Variants in ZNF804B observed in about 807,000 individuals in gnomAD.
ZNF804B encodes the protein zinc finger 804B.
A neutral mutation model predicts 101.4 loss-of-function variants in ZNF804B; 80 were observed. The observed-to-expected ratio is 0.79, with a 90% CI of 0.66 to 0.95. ZNF804B has a LOEUF of 0.95. Among genes scored for constraint, ZNF804B ranks in the 40% least tolerant of loss-of-function variants. ZNF804B has a pLI of 0.00. For synonymous variants in ZNF804B, 622 were observed against 558.8 expected, an observed-to-expected ratio of 1.11 and a Z score of -1.59; for missense variants, 1,673 against 1,561.9, an observed-to-expected ratio of 1.07 and a Z score of -1.20.
intron 1 of ZNF804B, among the ~76,000 whole-genome samples, chr7:89,063,839 C>T (rs369510183): frequency 3.3e-5 from 5 of 152,052 alleles, no homozygotes; most frequent in Non-Finnish European, 7.4e-5. Context: ...TGAATGAATG[C>T]GTCAATAGCT....
chr7:88,845,262 CAT>C (rs1791351144), intron 1 of ZNF804B, among the ~76,000 whole-genome samples: 1 of 151,216 alleles, frequency 6.6e-6, no homozygotes, highest in Non-Finnish European at 1.5e-5. Flanking sequence ...AAAGCACACA[CAT>C]ATGCGCATGT....
intron 1 of ZNF804B, among the ~76,000 whole-genome samples, chr7:89,045,546 G>A (rs1789091693): frequency 6.6e-6 from 1 of 152,210 alleles, no homozygotes; most frequent in Admixed American, 6.5e-5. Context: ...AGCTTCTCAA[G>A]GTGGTGGGAG....
intron 2 of ZNF804B, among the ~76,000 whole-genome samples, chr7:89,278,747 A>G (rs1246453665): frequency 6.7e-6 from 1 of 149,908 alleles, no homozygotes; most frequent in African/African-American, 2.5e-5. Context: ...TGTTTTGGTT[A>G]CTGTAGCCTT....
intron 1 of ZNF804B, among the ~76,000 whole-genome samples, chr7:88,888,623 G>T (rs1400815207): frequency 6.6e-6 from 1 of 151,888 alleles, no homozygotes; most frequent in Non-Finnish European, 1.5e-5. Context: ...AGACAATATT[G>T]AAAAATTGAT....
intron 1 of ZNF804B, among the ~76,000 whole-genome samples, chr7:89,003,620 G>C (rs1788323374): frequency 6.6e-6 from 1 of 151,858 alleles, no homozygotes; most frequent in African/African-American, 2.4e-5. Flanking sequence ...AGAAACTAAG[G>C]CTCAAAGAAA....
intron 2 of ZNF804B, among the ~76,000 whole-genome samples, chr7:89,306,401 C>G (rs1790562142): frequency 6.6e-6 from 1 of 151,992 alleles, no homozygotes; most frequent in African/African-American, 2.4e-5. Flanking sequence ...CTTATTAAAA[C>G]TCAACACCTG....
intron 1 of ZNF804B, among the ~76,000 whole-genome samples, chr7:89,167,091 T>C (rs1791155440): frequency 6.6e-6 from 1 of 152,094 alleles, no homozygotes; most frequent in South Asian, 2.1e-4. Flanking sequence ...TTTTTCCTTT[T>C]TATATATATT....
intron 1 of ZNF804B, among the ~76,000 whole-genome samples, chr7:88,959,033 C>T (rs1028277347): frequency 2.0e-5 from 3 of 151,412 alleles, no homozygotes; most frequent in African/African-American, 7.3e-5. Flanking sequence ...TAGTGAGTAT[C>T]ATTCACCTGC....
At chr7:89,142,470 G>T (rs1475027803) in intron 1 of ZNF804B, among the ~76,000 whole-genome samples, 1 of 151,982 alleles carries the variant, frequency 6.6e-6, no homozygotes, top group Non-Finnish European at 1.5e-5. Flanking sequence ...CTTGGCAGAT[G>T]TGGTTTTGCT....
intron 2 of ZNF804B, among the ~76,000 whole-genome samples, chr7:89,231,646 A>T (rs1001885095): frequency 2.6e-5 from 4 of 151,872 alleles, no homozygotes; most frequent in African/African-American, 9.7e-5. Context: ...TTTATTTTAC[A>T]CATTTTTTCT....
chr7:88,929,259 G>T (rs1792848395), intron 1 of ZNF804B, among the ~76,000 whole-genome samples: 1 of 151,634 alleles, frequency 6.6e-6, no homozygotes, highest in South Asian at 2.1e-4. Context: ...GTGTGCTCAT[G>T]TATTGAATTG....
At chr7:89,302,075 C>CATAATATATACATAAACTTATA (rs60986842) in intron 2 of ZNF804B, among the ~76,000 whole-genome samples, 1 of 151,474 alleles carries the variant, frequency 6.6e-6, no homozygotes, top group Admixed American at 6.6e-5. Context: ...TATTATGAGA[C>CATAATATATACATAAACTTATA]ATATATACAT....
chr7:88,914,551 A>G (rs55825457), intron 1 of ZNF804B, among the ~76,000 whole-genome samples: 2,466 of 152,292 alleles, frequency 0.016, 37 homozygotes, highest in Non-Finnish European at 0.027. Flanking sequence ...CTGAACCACT[A>G]ACATAGTAAA....
intron 2 of ZNF804B, among the ~76,000 whole-genome samples, chr7:89,311,095 A>C (rs1790644103): frequency 6.6e-6 from 1 of 152,202 alleles, no homozygotes; most frequent in Admixed American, 6.5e-5. Context: ...GGTCTTGTCC[A>C]CACGTGACTT....
At chr7:89,165,517 T>C (rs1384069047) in intron 1 of ZNF804B, among the ~76,000 whole-genome samples, 3 of 152,066 alleles carry the variant, frequency 2.0e-5, no homozygotes, top group African/African-American at 7.2e-5. Flanking sequence ...AAAATGTATA[T>C]ATGAATAATT....
chr7:88,882,156 G>A (rs1792052055), intron 1 of ZNF804B, among the ~76,000 whole-genome samples: 1 of 152,070 alleles, frequency 6.6e-6, no homozygotes, highest in African/African-American at 2.4e-5. Flanking sequence ...ATGCAGAAGG[G>A]CTTCATTTTT....
chr7:89,007,122 G>A (rs1788378434), intron 1 of ZNF804B, among the ~76,000 whole-genome samples: 2 of 151,984 alleles, frequency 1.3e-5, no homozygotes, highest in Non-Finnish European at 2.9e-5. Context: ...CACTGCAGAG[G>A]AAAGCTTGGC....
chr7:89,206,070 C>T (rs548775143), intron 1 of ZNF804B, among the ~76,000 whole-genome samples: 39 of 152,348 alleles, frequency 2.6e-4, no homozygotes, highest in African/African-American at 9.4e-4. Context: ...CCCTCTAAAG[C>T]CATGACCTGA....
At chr7:88,943,681 A>G (rs1793087319) in intron 1 of ZNF804B, among the ~76,000 whole-genome samples, 1 of 151,842 alleles carries the variant, frequency 6.6e-6, no homozygotes, top group Non-Finnish European at 1.5e-5. Context: ...TACCACTACA[A>G]TGAAGATATG....
Sources: gnomAD v4.1 joint callset for allele counts (sites outside exome capture counted in the v4.1 genomes callset) on GRCh38, gnomAD v4.1.1 for gene constraint, MANE v1.5 for transcripts, NCBI Gene and HGNC (gene_info 2026-07-23, HGNC 2026-07-21) for gene names.